Variants in ZDHHC3 observed in about 807,000 individuals in gnomAD.
ZDHHC3 encodes palmitoyltransferase ZDHHC3.
A neutral mutation model predicts 30.6 loss-of-function variants in ZDHHC3; 9 were observed. That is an observed-to-expected ratio of 0.29 (90% CI 0.18 to 0.51). ZDHHC3 has a LOEUF of 0.51. Ranked by LOEUF, ZDHHC3 falls within the 20% of genes least tolerant of loss-of-function variation. ZDHHC3 has a pLI of 0.97. For missense variants in ZDHHC3, 246 were observed against 384.2 expected (o/e 0.64, Z 3.01); for synonymous variants, 136 against 140.2 (o/e 0.97, Z 0.21).
In ZDHHC3 at chr3:44,918,287, G is replaced by A; in HGVS notation, c.*8402C>T. ...GGGTAAGATGGGGTCTGAGTGGGCA[G>A]TCTGTTGTGGCCCAGGTCACCCCCG... is the stretch of plus-strand genomic sequence containing the variant. On this transcript the variant is annotated 3_prime_UTR_variant, in exon 7 of 7. Coordinates refer to ENST00000424952, the MANE Select transcript of ZDHHC3 (RefSeq NM_001135179.2). 1 of 1,196,500 alleles carries A rather than the reference G, an allele frequency of 8.4e-7. No individual in the cohort carries two copies. Among genetic ancestry groups the A allele is most frequent in the Non-Finnish European group, 1.1e-6 (1 of 943,644 alleles). 74.1% of individuals were successfully genotyped at this position (1,196,500 alleles called of 1,614,324 possible).
chr3:44,924,181 T>C lies in ZDHHC3; in HGVS notation c.*2508A>G. The C allele has an allele frequency of 1.0e-6, 1 of 985,448 alleles. No individual in the cohort carries two copies. The highest frequency in any genetic ancestry group is 1.2e-6 in the Non-Finnish European group (1 of 829,934). 61.0% of individuals were successfully genotyped at this position (985,448 alleles called of 1,614,324 possible). On this transcript the variant is annotated 3_prime_UTR_variant, in exon 7 of 7. Transcript: ENST00000424952. ...GACCAAGCCAAAAGTTGGGGCTGACTTTGTGTAGAAAGATGTCCTCTTTCA... is the reference window on the plus strand; with the variant it reads ...GACCAAGCCAAAAGTTGGGGCTGACCTTGTGTAGAAAGATGTCCTCTTTCA...
intron 3 of ZDHHC3, among the ~76,000 whole-genome samples, chr3:44,940,422 T>C (rs750987653): frequency 2.0e-5 from 3 of 152,126 alleles, no homozygotes; most frequent in South Asian, 2.1e-4. Flanking sequence ...TTCTTTCCAC[T>C]TGGCAAAATC....
chr3:44,958,190 G>A (rs1704120963), intron 2 of ZDHHC3, among the ~76,000 whole-genome samples: 1 of 152,174 alleles, frequency 6.6e-6, no homozygotes, highest in Non-Finnish European at 1.5e-5. Context: ...ATATGTAATT[G>A]AGTTGGGAAA....
rs917618202 is a variant in ZDHHC3, at chr3:44,937,943, G to A, written c.432-3959C>T. On this transcript the variant is annotated intron_variant, in intron 3 of 6. Transcript: ENST00000424952. ...TCATCAAAGCCCTCAAGGAACTGCC[G>A]TGAGACAGAAAGAAACAGAAAAATG... 1.8e-4 allele frequency: 86 copies of A among 473,848 alleles called. 1 individual carries two copies. The Admixed American group carries it at 1.8e-3, about 10-fold the overall frequency. The allele number at this position is 473,848 out of a possible 1,614,324, so 29.4% of individuals were successfully genotyped here. A position where few individuals can be genotyped will look rare whatever the true frequency, so the allele number is the denominator to read the frequency against.
chr3:44,943,075 G>A (rs1449030926), intron 3 of ZDHHC3, among the ~76,000 whole-genome samples: 5 of 152,138 alleles, frequency 3.3e-5, no homozygotes, highest in African/African-American at 9.7e-5. Flanking sequence ...CAGAAACCCC[G>A]GAGGAGCTAG....
chr3:44,973,300 T>C (rs934417981), intron 1 of ZDHHC3, among the ~76,000 whole-genome samples: 2 of 152,182 alleles, frequency 1.3e-5, no homozygotes, highest in Non-Finnish European at 2.9e-5. Flanking sequence ...AGAGCTAGAC[T>C]GCCTGGTCTC....
intron 1 of ZDHHC3, among the ~76,000 whole-genome samples, chr3:44,975,054 A>ATTTTTT (rs75953495): frequency 6.9e-6 from 1 of 144,514 alleles, no homozygotes. Context: ...GATAAATACC[A>ATTTTTT]TTTTTTTTTT....
rs139683428 is a variant in ZDHHC3, at chr3:44,937,882, C to A, written c.432-3898G>T. On this transcript the variant is annotated intron_variant, in intron 3 of 6. Transcript: ENST00000424952. The stretch of plus-strand genomic sequence containing the variant: ...AAAGTGACTATTCAGAAAAGATAGG[C>A]CCAGATTGACATGGTACCTTCTGCC... 683 of 483,368 alleles carry A rather than the reference C, an allele frequency of 1.4e-3. 6 individuals are homozygous for A. Among genetic ancestry groups the A allele is most frequent in the African/African-American group, 0.013 (647 of 50,858 alleles). The allele number at this position is 483,368 out of a possible 1,614,324, so 29.9% of individuals were successfully genotyped here.
chr3:44,917,667 C>T lies in ZDHHC3; in HGVS notation c.*9022G>A. 2.7e-6 allele frequency: 1 copy of T among 375,644 alleles called. No individual in the cohort carries two copies. The highest frequency in any genetic ancestry group is 5.0e-6 in the Non-Finnish European group (1 of 200,124). The allele number at this position is 375,644 out of a possible 1,614,324, so 23.3% of individuals were successfully genotyped here. A position where few individuals can be genotyped will look rare whatever the true frequency, so the allele number is the denominator to read the frequency against. ...TCAGTGCAGACTCTTCTTAGATGAACTCTGAGAAAGCCCCCATCCTCCTCT... is the reference window on the plus strand; with the variant it reads ...TCAGTGCAGACTCTTCTTAGATGAATTCTGAGAAAGCCCCCATCCTCCTCT... On this transcript the variant is annotated 3_prime_UTR_variant, in exon 7 of 7. Coordinates refer to ENST00000424952, the MANE Select transcript of ZDHHC3 (RefSeq NM_001135179.2).
intron 5 of ZDHHC3, among the ~76,000 whole-genome samples, chr3:44,932,623 T>A (rs2125824715): frequency 6.6e-6 from 1 of 152,312 alleles, no homozygotes; most frequent in South Asian, 2.1e-4. Context: ...AATCTTAATG[T>A]AAATTCACGA....
chr3:44,945,328 G>A (rs1178808756), intron 2 of ZDHHC3, 36 bp from the exon 3 acceptor site: 1 of 1,613,798 alleles, frequency 6.2e-7, no homozygotes, highest in Admixed American at 1.7e-5. Context: ...GGTTGGGCTG[G>A]GGGTTCTATC....
Position 44,918,100 on chromosome 3 carries a change from A to C in ZDHHC3, c.*8589T>G. 7.7e-7 allele frequency: 1 copy of C among 1,305,388 alleles called. No individual in the cohort carries two copies. The allele number at this position is 1,305,388 out of a possible 1,614,324, so 80.9% of individuals were successfully genotyped here. A position where few individuals can be genotyped will look rare whatever the true frequency, so the allele number is the denominator to read the frequency against. ...CTCCTTTACTGACTGCCAGCTCCCC[A>C]TGTGCTCCCTGGGCTGGTTCTTTCG... On this transcript the variant is annotated 3_prime_UTR_variant, in exon 7 of 7. Transcript: ENST00000424952.
At chr3:44,964,260 G>A (rs890156291) in intron 1 of ZDHHC3, among the ~76,000 whole-genome samples, 4 of 152,180 alleles carry the variant, frequency 2.6e-5, no homozygotes, top group Non-Finnish European at 2.9e-5. Context: ...ACAACCATAA[G>A]TGAAATAAAT....
intron 1 of ZDHHC3, among the ~76,000 whole-genome samples, chr3:44,969,121 G>A (rs57046141): frequency 0.061 from 9,292 of 152,208 alleles, 328 homozygotes; most frequent in Middle Eastern, 0.12. Flanking sequence ...TGCCGATGAC[G>A]GTGATACTCT....
At chr3:44,933,063 A>C in intron 5 of ZDHHC3, 55 bp downstream of exon 5, 1 of 1,611,896 alleles carries the variant, frequency 6.2e-7, no homozygotes, top group South Asian at 1.1e-5. Flanking sequence ...CCCGCCCCCC[A>C]CTCAGGTCAC....
intron 3 of ZDHHC3, among the ~76,000 whole-genome samples, chr3:44,936,931 A>G (rs1347727768): frequency 6.6e-6 from 1 of 151,276 alleles, no homozygotes; most frequent in African/African-American, 2.4e-5. Context: ...TTCAGGCTGC[A>G]GTCCTCAATG....
intron 2 of ZDHHC3, among the ~76,000 whole-genome samples, chr3:44,949,257 T>C (rs887559567): frequency 3.9e-5 from 6 of 152,058 alleles, no homozygotes; most frequent in African/African-American, 9.7e-5. Context: ...AAATATGCTA[T>C]AAAAATACAC....
At chr3:44,932,077 G>A (rs1701541843) in intron 5 of ZDHHC3, among the ~76,000 whole-genome samples, 1 of 152,114 alleles carries the variant, frequency 6.6e-6, no homozygotes, top group Non-Finnish European at 1.5e-5. Context: ...AGGTGTTTGG[G>A]ATGATAAAAT....
intron 1 of ZDHHC3, among the ~76,000 whole-genome samples, chr3:44,968,081 A>G (rs1705106272): frequency 6.6e-6 from 1 of 151,952 alleles, no homozygotes; most frequent in Admixed American, 6.6e-5. Context: ...CAGGATTCAA[A>G]ACGGCTCTGC....
Sources: allele counts gnomAD v4.1 joint callset (sites outside exome capture counted in the v4.1 genomes callset), GRCh38; gene constraint gnomAD v4.1.1; transcripts MANE v1.5; gene names NCBI Gene and HGNC (gene_info 2026-07-23, HGNC 2026-07-21).